PIAS1: variants seen among roughly 807,000 people sequenced by gnomAD.
The protein encoded by PIAS1 is protein inhibitor of activated STAT 1.
In PIAS1, 6 loss-of-function variants were observed where a neutral mutation model predicts 71.3. The observed-to-expected ratio is 0.08, with a 90% confidence interval of 0.05 to 0.17. The LOEUF is 0.17. Among genes scored for constraint, PIAS1 ranks in the 10% least tolerant of loss-of-function variants. PIAS1 has a pLI of 1.00. For synonymous variants in PIAS1, 303 were observed against 292.9 expected (o/e 1.03, Z -0.35); for missense variants, 555 against 793.6 (o/e 0.70, Z 3.61).
chr15:68,055,917 T>C, intron 1 of PIAS1: 1 of 701,374 alleles, frequency 1.4e-6, no homozygotes, highest in Non-Finnish European at 2.6e-6. Flanking sequence ...TGTTAAGGTA[T>C]TGGCTTTGAG....
At chr15:68,168,737 C>T (rs1489912533) in intron 8 of PIAS1, among the ~76,000 whole-genome samples, 1 of 152,094 alleles carries the variant, frequency 6.6e-6, no homozygotes, top group Non-Finnish European at 1.5e-5. Context: ...GATTCTAAGG[C>T]ATTTGTGTGG....
intron 7 of PIAS1, among the ~76,000 whole-genome samples, chr15:68,156,870 G>A (rs148155745): frequency 8.0e-4 from 122 of 152,278 alleles, no homozygotes; most frequent in South Asian, 1.9e-3. Flanking sequence ...ATTACATTTA[G>A]ACAATCTGAT....
intron 4 of PIAS1, among the ~76,000 whole-genome samples, 196 bp from the exon 5 acceptor site, chr15:68,145,620 A>G (rs1388827282): frequency 6.6e-6 from 1 of 152,184 alleles, no homozygotes; most frequent in Non-Finnish European, 1.5e-5. Flanking sequence ...CATGATTACC[A>G]CAACTCTACA....
At chr15:68,099,603 T>A (rs1394784932) in intron 2 of PIAS1, among the ~76,000 whole-genome samples, 1 of 151,918 alleles carries the variant, frequency 6.6e-6, no homozygotes, top group African/African-American at 2.4e-5. Context: ...TGGACATAAG[T>A]TTTCTTTTCT....
intron 1 of PIAS1, among the ~76,000 whole-genome samples, chr15:68,063,069 A>G (rs2091979026): frequency 6.6e-6 from 1 of 152,182 alleles, no homozygotes; most frequent in Non-Finnish European, 1.5e-5. Context: ...TAACCTCTGT[A>G]GTATTAATGC....
intron 6 of PIAS1, among the ~76,000 whole-genome samples, chr15:68,150,237 G>A (rs1439585943): frequency 6.6e-6 from 1 of 152,088 alleles, no homozygotes; most frequent in Non-Finnish European, 1.5e-5. Flanking sequence ...AGGAAGAAGG[G>A]GAGTGTTTTT....
At chr15:68,081,507 A>G (rs1044266921) in intron 1 of PIAS1, among the ~76,000 whole-genome samples, 3 of 152,186 alleles carry the variant, frequency 2.0e-5, no homozygotes, top group Admixed American at 2.0e-4. Flanking sequence ...AAAGGCAGAT[A>G]CCAGTGTAGG....
chr15:68,130,780 A>T (rs553313052), intron 2 of PIAS1, among the ~76,000 whole-genome samples: 1 of 152,210 alleles, frequency 6.6e-6, no homozygotes, highest in South Asian at 2.1e-4. Flanking sequence ...TAAGATTTAA[A>T]TTAGGCTAAG....
chr15:68,070,443 C>T (rs981290317), intron 1 of PIAS1, among the ~76,000 whole-genome samples: 5 of 152,038 alleles, frequency 3.3e-5, no homozygotes, highest in South Asian at 2.1e-4. Flanking sequence ...GATGTGGCCT[C>T]GGAAGTGGGT....
intron 11 of PIAS1, 37 bp from the exon 12 acceptor site, chr15:68,181,175 G>A: frequency 6.3e-7 from 1 of 1,599,968 alleles, no homozygotes; most frequent in Non-Finnish European, 8.5e-7. Context: ...GAGTTTAACT[G>A]GCTAATGAAA....
At chr15:68,175,185 G>A (rs2093013816) in intron 9 of PIAS1, among the ~76,000 whole-genome samples, 2 of 152,024 alleles carry the variant, frequency 1.3e-5, no homozygotes, top group African/African-American at 4.8e-5. Flanking sequence ...CTTTATACAT[G>A]TTTTTAAATG....
At chr15:68,135,580 G>C (rs1321876124) in intron 2 of PIAS1, among the ~76,000 whole-genome samples, 1 of 47,630 alleles carries the variant, frequency 2.1e-5, no homozygotes, top group African/African-American at 4.8e-5. Context: ...GGGCAGAGGC[G>C]CCCCTCACCT....
Position 68,186,896 on chromosome 15 carries a change from T to C in PIAS1, c.1663-646T>C, listed in dbSNP as rs1488210607. Among the ~76,000 whole-genome samples, 2 of 152,234 alleles carry C rather than the reference T, an allele frequency of 1.3e-5. No homozygotes were observed. The highest frequency in any genetic ancestry group is 2.4e-5 in the African/African-American group (1 of 41,460). ...ACTGTCTAGGTTTGTGCAAGCACAC[T>C]GTGATGTTTGCACAGCCACAAAACC... On this transcript the variant is annotated intron_variant, in intron 13 of 13. Coordinates refer to ENST00000249636, the MANE Select transcript of PIAS1 (RefSeq NM_016166.3). The surrounding 1 kb of genome is among the most constrained non-coding windows in gnomAD (Gnocchi z 4.4).
chr15:68,114,601 G>A (rs981465491), intron 2 of PIAS1, among the ~76,000 whole-genome samples: 9 of 152,030 alleles, frequency 5.9e-5, no homozygotes, highest in African/African-American at 2.2e-4. Context: ...ACAGAAAGAT[G>A]ACTATTTTTA....
chr15:68,055,707 T>C (rs1189094858), intron 1 of PIAS1: 1 of 472,982 alleles, frequency 2.1e-6, no homozygotes, highest in East Asian at 3.2e-5. Flanking sequence ...GATGGGGATA[T>C]ACAATTGTAA....
chr15:68,188,549 C>T lies in PIAS1; in HGVS notation c.*714C>T, dbSNP rs1049493. On this transcript the variant is annotated 3_prime_UTR_variant, in exon 14 of 14. Coordinates refer to ENST00000249636, the MANE Select transcript of PIAS1 (RefSeq NM_016166.3). ...AAGTGCTTTGAAGGTCTTGAACTCA[C>T]GTGTGAGCATCTTTATCAACTATCC... 72,008 of 152,006 alleles carry T rather than the reference C, an allele frequency of 0.47. 17,880 individuals are homozygous for T. The highest frequency in any genetic ancestry group is 0.55 in the Non-Finnish European group (37,688 of 67,962). 9.4% of individuals were successfully genotyped at this position (152,006 alleles called of 1,614,324 possible). A position where few individuals can be genotyped will look rare whatever the true frequency, so the allele number is the denominator to read the frequency against.
intron 2 of PIAS1, among the ~76,000 whole-genome samples, chr15:68,098,314 A>G (rs1193381480): frequency 6.6e-6 from 1 of 152,216 alleles, no homozygotes; most frequent in Admixed American, 6.5e-5. Context: ...AACTGTTACT[A>G]AGAAAATCAT....
intron 1 of PIAS1, chr15:68,055,287 C>G: frequency 2.4e-6 from 2 of 827,866 alleles, no homozygotes; most frequent in Non-Finnish European, 2.9e-6. Flanking sequence ...GGACATCTTG[C>G]TGGCCATGTT....
At chr15:68,119,669 A>G (rs1567050220) in intron 2 of PIAS1, among the ~76,000 whole-genome samples, 1 of 152,160 alleles carries the variant, frequency 6.6e-6, no homozygotes. Context: ...TGTTCTATAA[A>G]TTTCAAAGAT....
Sources: allele counts gnomAD v4.1 joint callset (sites outside exome capture counted in the v4.1 genomes callset), GRCh38; gene constraint gnomAD v4.1.1; non-coding constraint Gnocchi (gnomAD v3.1); transcripts MANE v1.5; gene names NCBI Gene and HGNC (gene_info 2026-07-23, HGNC 2026-07-21).